PAPOLB: variants seen among roughly 807,000 people sequenced by gnomAD.
PAPOLB encodes the protein PAP-beta.
Under a neutral mutation model 23.2 loss-of-function variants are expected in PAPOLB, and 19 were observed. The observed-to-expected ratio is 0.82, with a 90% confidence interval of 0.57 to 1.20. PAPOLB has a LOEUF of 1.20. Ranked by LOEUF, PAPOLB falls within the 50% of genes most tolerant of loss-of-function variation. PAPOLB has a pLI of 0.00. For missense variants in PAPOLB, 822 were observed against 776.8 expected, an observed-to-expected ratio of 1.06 and a Z score of -0.69; for synonymous variants, 360 against 290.7, an observed-to-expected ratio of 1.24 and a Z score of -2.43.
chr7:4,861,857 T>TTCACGTCCCCCACCACCGCGACCG lies in PAPOLB; in HGVS notation c.-48_-47insCGGTCGCGGTGGTGGGGGACGTGA. The TTCACGTCCCCCACCACCGCGACCG allele has an allele frequency of 7.5e-6, 10 of 1,324,908 alleles. No individual in the cohort carries two copies. Among genetic ancestry groups the TTCACGTCCCCCACCACCGCGACCG allele is most frequent in the South Asian group, 1.8e-5 (1 of 55,496 alleles). 82.1% of individuals were successfully genotyped at this position (1,324,908 alleles called of 1,614,324 possible). On this transcript the variant is annotated 5_prime_UTR_variant, in exon 1 of 1. Transcript: ENST00000404991. ...GGGCACGTCCCCCACCACCGCGACC[T>TTCACGTCCCCCACCACCGCGACCG]TCGCGGCCGCCGCCCGGGTCATGAT...
In PAPOLB at chr7:4,860,519, A is replaced by G. The variant is rs563953783; in HGVS notation, c.1292T>C (p.Met431Thr). The G allele has an allele frequency of 1.7e-5, 27 of 1,614,056 alleles. No individual in the cohort carries two copies. Among genetic ancestry groups the G allele is most frequent in the African/African-American group, 9.3e-5 (7 of 74,932 alleles). The change falls in exon 1 of 1, where the codon ATG becomes ACG. Residue 431 changes from methionine to threonine, a missense_variant. Met to Thr is a moderately conservative substitution (Grantham distance 81). Transcript: ENST00000404991. ...CACCCACATTGTACGAAATTCTTCC[A>G]TATCAGGATTTTCTTTGGGTGCTGG... ...SFPAPKENPD[M>T]EEFRTMWVIG...
Position 4,861,495 on chromosome 7 carries a change from A to C in PAPOLB, c.316T>G (p.Leu106Val). ...TCTGCGCCTTTCGTATGTACTCCTAATCTGTAAGAGCCAAACGTAAAAATC... is the reference window on the plus strand; with the variant it reads ...TCTGCGCCTTTCGTATGTACTCCTACTCTGTAAGAGCCAAACGTAAAAATC... ...GKIFTFGSYR[L>V]GVHTKGADID... is the part of the protein sequence containing the mutation. Residue 106 changes from leucine (L) to valine (V), a missense_variant, in exon 1 of 1, where the codon TTA (leucine) becomes GTA (valine). Leu to Val is a conservative substitution (Grantham distance 32). Transcript: ENST00000404991. 6.2e-7 allele frequency: 1 copy of C among 1,614,084 alleles called. No homozygotes were observed.
In PAPOLB at chr7:4,859,940, G is replaced by A. The variant is rs759963359; in HGVS notation, c.1871C>T (p.Pro624Leu). 1 of 1,613,652 alleles carries A rather than the reference G, an allele frequency of 6.2e-7. No individual in the cohort carries two copies. Among genetic ancestry groups the A allele is most frequent in the Non-Finnish European group, 8.5e-7 (1 of 1,179,704 alleles). ...VVSSTCLISH[P>L]DLQETQQQTY... Reference sequence around the variant, plus strand: ...TTGTTGCTGAGTTTCCTGAAGGTCTGGATGGCTTATGAGACATGTTGAAGA... The same window carrying A: ...TTGTTGCTGAGTTTCCTGAAGGTCTAGATGGCTTATGAGACATGTTGAAGA... Residue 624 changes from proline (P) to leucine (L), a missense_variant, in exon 1 of 1, where the codon CCA (proline) becomes CTA (leucine). By Grantham distance (98) the Pro-to-Leu change is moderately conservative (BLOSUM62 -3). Around this residue, in one of 3 missense-constraint regions of PAPOLB, gnomAD observed 534 missense variants for 502.8 expected, o/e 1.06. Coordinates refer to ENST00000404991, the MANE Select transcript of PAPOLB (RefSeq NM_020144.5).
Position 4,861,941 on chromosome 7 carries a change from C to G in PAPOLB, c.-131G>C, listed in dbSNP as rs1784019903. 2.0e-6 allele frequency: 1 copy of G among 505,702 alleles called. No individual in the cohort carries two copies. The highest frequency in any genetic ancestry group is 3.9e-5 in the Admixed American group (1 of 25,888). The allele number at this position is 505,702 out of a possible 1,614,324, so 31.3% of individuals were successfully genotyped here. ...CCTGGTCCGACCCCACTCCCACTCC[C>G]GCTGCGCGCCCGCCGCTTCAGGAGC... On this transcript the variant is annotated 5_prime_UTR_variant, in exon 1 of 1. Transcript: ENST00000404991.
chr7:4,861,869 G>T lies in PAPOLB; in HGVS notation c.-59C>A, dbSNP rs905969187. 75 of 533,486 alleles carry T rather than the reference G, an allele frequency of 1.4e-4. No individual in the cohort carries two copies. Among genetic ancestry groups the T allele is most frequent in the Non-Finnish European group, 1.6e-4 (65 of 413,854 alleles). The allele number at this position is 533,486 out of a possible 1,614,324, so 33.0% of individuals were successfully genotyped here. On this transcript the variant is annotated 5_prime_UTR_variant, in exon 1 of 1. Coordinates refer to ENST00000404991, the MANE Select transcript of PAPOLB (RefSeq NM_020144.5). ...CACCACCGCGACCTTCGCGGCCGCC[G>T]CCCGGGTCATGATCCGCTGAGGCGG...
In PAPOLB at chr7:4,860,401, C is replaced by G. The variant is rs780816657; in HGVS notation, c.1410G>C (p.Arg470Ser). Residue 470 changes from arginine (R) to serine (S), a missense_variant, in exon 1 of 1, where the codon AGG (arginine) becomes AGC (serine). By Grantham distance (110) the Arg-to-Ser change is moderately radical. Around this residue, in one of 3 missense-constraint regions of PAPOLB, gnomAD observed 534 missense variants for 502.8 expected, o/e 1.06. Coordinates refer to ENST00000404991, the MANE Select transcript of PAPOLB (RefSeq NM_020144.5). ...DIQSFTDTVY[R>S]QAVNSKMFEM... The stretch of plus-strand genomic sequence containing the variant: ...CAAACATCTTACTATTCACTGCTTG[C>G]CTATAAACAGTATCTGTGAAAGACT... 1.9e-6 allele frequency: 3 copies of G among 1,613,680 alleles called. No individual in the cohort carries two copies. Among genetic ancestry groups the G allele is most frequent in the Non-Finnish European group, 2.5e-6 (3 of 1,179,598 alleles).
At position 4,858,503 on chromosome 7, in the gene PAPOLB, CTTT is replaced by C. The variant is rs1212416543; in HGVS notation, c.*1391_*1393del. On this transcript the variant is annotated 3_prime_UTR_variant, in exon 1 of 1. Transcript: ENST00000404991. ...GATGTCAAGTGCTTGCTAGAAATTA[CTTT>C]TTTATGTTTCTACATGTAAAATTTA... is the stretch of plus-strand genomic sequence containing the variant. 2 of 152,534 alleles carry C rather than the reference CTTT, an allele frequency of 1.3e-5. No individual in the cohort carries two copies. The highest frequency in any genetic ancestry group is 2.4e-5 in the African/African-American group (1 of 41,436). The allele number at this position is 152,534 out of a possible 1,614,324, so 9.4% of individuals were successfully genotyped here.
chr7:4,861,756 T>TCGGCGG lies in PAPOLB; in HGVS notation c.49_54dup (p.Pro17_Pro18dup), dbSNP rs1480415243. On this transcript the variant is annotated inframe_insertion, in exon 1 of 1. Coordinates refer to ENST00000404991, the MANE Select transcript of PAPOLB (RefSeq NM_020144.5). ...ATAGGCGAGGAGACGCCGTAGCGAT[T>TCGGCGG]CGGCGGCGGCGCCGGCTGCGGTGGT... 6.7e-7 allele frequency: 1 copy of TCGGCGG among 1,488,770 alleles called. No homozygotes were observed. The highest frequency in any genetic ancestry group is 2.5e-5 in the Admixed American group (1 of 40,718). The allele number at this position is 1,488,770 out of a possible 1,614,324, so 92.2% of individuals were successfully genotyped here. A position where few individuals can be genotyped will look rare whatever the true frequency, so the allele number is the denominator to read the frequency against.
In PAPOLB at chr7:4,861,755, T is replaced by A; in HGVS notation, c.56A>T (p.Asn19Ile). ...GATAGGCGAGGAGACGCCGTAGCGA[T>A]TCGGCGGCGGCGCCGGCTGCGGTGG... ...QGPPQPAPPPNRYGVSSPISL... is the reference protein window; with the variant it reads ...QGPPQPAPPPIRYGVSSPISL... Residue 19 changes from asparagine to isoleucine, a missense_variant, in exon 1 of 1, where the codon AAT (asparagine) becomes ATT (isoleucine). This residue lies in a region of PAPOLB where 276 missense variants were observed against 243.9 expected (regional missense o/e 1.13). Transcript: ENST00000404991. 1 of 1,488,326 alleles carries A rather than the reference T, an allele frequency of 6.7e-7. No homozygotes were observed. Among genetic ancestry groups the A allele is most frequent in the Non-Finnish European group, 8.9e-7 (1 of 1,121,124 alleles). The allele number at this position is 1,488,326 out of a possible 1,614,324, so 92.2% of individuals were successfully genotyped here. A position where few individuals can be genotyped will look rare whatever the true frequency, so the allele number is the denominator to read the frequency against.
chr7:4,861,026 G>C lies in PAPOLB; in HGVS notation c.785C>G (p.Pro262Arg). Reference protein sequence around the residue: ...MLVARTCQLYPNAVASTLVRK... With the variant: ...MLVARTCQLYRNAVASTLVRK... The stretch of plus-strand genomic sequence containing the variant: ...TACAAGAGTTGACGCTACTGCATTT[G>C]GATAAAGCTGACAAGTTCTTGCTAC... Residue 262 changes from proline to arginine, a missense_variant, in exon 1 of 1, where the codon CCA (proline) becomes CGA (arginine). This residue lies in a region of PAPOLB where 534 missense variants were observed against 502.8 expected (regional missense o/e 1.06). Transcript: ENST00000404991. 1 of 1,614,194 alleles carries C rather than the reference G, an allele frequency of 6.2e-7. No homozygotes were observed.
chr7:4,860,309 T>C lies in PAPOLB; in HGVS notation c.1502A>G (p.His501Arg), dbSNP rs1194120136. Residue 501 changes from histidine to arginine, a missense_variant, in exon 1 of 1, where the codon CAT (histidine) becomes CGT (arginine). By Grantham distance (29) the His-to-Arg change is conservative (BLOSUM62 0). This residue lies in a region of PAPOLB where 534 missense variants were observed against 502.8 expected (regional missense o/e 1.06). Coordinates refer to ENST00000404991, the MANE Select transcript of PAPOLB (RefSeq NM_020144.5). Reference sequence around the variant, plus strand: ...GTGTGCTTTCTTGTCCTGAAGCACATGATGAGGCAGCAGCTGGTGAAGTTC... The same window carrying C: ...GTGTGCTTTCTTGTCCTGAAGCACACGATGAGGCAGCAGCTGGTGAAGTTC... ...RKELHQLLPH[H>R]VLQDKKAHST... 5 of 1,613,902 alleles carry C rather than the reference T, an allele frequency of 3.1e-6. No homozygotes were observed. Among genetic ancestry groups the C allele is most frequent in the East Asian group, 4.5e-5 (2 of 44,900 alleles).
At position 4,861,580 on chromosome 7, in the gene PAPOLB, T is replaced by C; in HGVS notation, c.231A>G (p.Ile77Met). 6.2e-7 allele frequency: 1 copy of C among 1,613,426 alleles called. No homozygotes were observed. The highest frequency in any genetic ancestry group is 8.5e-7 in the Non-Finnish European group (1 of 1,179,744). ...GACTCTTGCTTTCACTGATTTCGCG[T>C]ATCCATTCCTTTACCAGATTATTTA... is the stretch of plus-strand genomic sequence containing the variant. ...EKLNNLVKEW[I>M]REISESKSLP... Residue 77 changes from isoleucine to methionine, a missense_variant, in exon 1 of 1, where the codon ATA becomes ATG. By Grantham distance (10) the Ile-to-Met change is conservative. This residue lies in a region of PAPOLB where 276 missense variants were observed against 243.9 expected (regional missense o/e 1.13). Coordinates refer to ENST00000404991, the MANE Select transcript of PAPOLB (RefSeq NM_020144.5).
rs1783908264 is a variant in PAPOLB at position 4,859,153 on chromosome 7, T to C, written c.*744A>G. The C allele has an allele frequency of 1.3e-5, 2 of 152,416 alleles. No individual in the cohort carries two copies. Among genetic ancestry groups the C allele is most frequent in the South Asian group, 4.1e-4 (2 of 4,834 alleles). 9.4% of individuals were successfully genotyped at this position (152,416 alleles called of 1,614,324 possible). A position where few individuals can be genotyped will look rare whatever the true frequency, so the allele number is the denominator to read the frequency against. On this transcript the variant is annotated 3_prime_UTR_variant, in exon 1 of 1. Transcript: ENST00000404991. ...AGGGACTGAGCTAGATGTACTTTTA[T>C]GCTTTCTCTGAAGTACAGTACACCG...
Position 4,860,181 on chromosome 7 carries a change from T to C in PAPOLB, c.1630A>G (p.Lys544Glu), listed in dbSNP as rs1279852166. The C allele has an allele frequency of 6.2e-7, 1 of 1,614,028 alleles. No individual in the cohort carries two copies. Among genetic ancestry groups the C allele is most frequent in the East Asian group, 2.2e-5 (1 of 44,888 alleles). ...MSVPSSTSTMKTGPLISSSQG... is the reference protein window; with the variant it reads ...MSVPSSTSTMETGPLISSSQG... ...GAACTGCTAATCAATGGGCCTGTCT[T>C]CATAGTGCTAGTAGATGAAGGCACA... The change falls in exon 1 of 1, where the codon AAG becomes GAG. Residue 544 changes from lysine to glutamate, a missense_variant. This residue lies in a region of PAPOLB where 534 missense variants were observed against 502.8 expected (regional missense o/e 1.06). Coordinates refer to ENST00000404991, the MANE Select transcript of PAPOLB (RefSeq NM_020144.5).
chr7:4,861,747 C>A lies in PAPOLB; in HGVS notation c.64G>T (p.Gly22Cys). Residue 22 changes from glycine to cysteine, a missense_variant, in exon 1 of 1, where the codon GGC becomes TGC. Gly to Cys is a radical substitution (Grantham distance 159, BLOSUM62 -3). This residue lies in a region of PAPOLB where 276 missense variants were observed against 243.9 expected (regional missense o/e 1.13). Coordinates refer to ENST00000404991, the MANE Select transcript of PAPOLB (RefSeq NM_020144.5). The stretch of plus-strand genomic sequence containing the variant: ...GCTAGACTGATAGGCGAGGAGACGC[C>A]GTAGCGATTCGGCGGCGGCGCCGGC... ...PQPAPPPNRYGVSSPISLAVP... is the reference protein window; with the variant it reads ...PQPAPPPNRYCVSSPISLAVP... 6.7e-7 allele frequency: 1 copy of A among 1,503,564 alleles called. No individual in the cohort carries two copies. The highest frequency in any genetic ancestry group is 2.3e-5 in the East Asian group (1 of 43,216). The allele number at this position is 1,503,564 out of a possible 1,614,324, so 93.1% of individuals were successfully genotyped here.
chr7:4,861,524 C>G lies in PAPOLB; in HGVS notation c.287G>C (p.Gly96Ala). 6.2e-7 allele frequency: 1 copy of G among 1,614,034 alleles called. No homozygotes were observed. The highest frequency in any genetic ancestry group is 1.3e-5 in the African/African-American group (1 of 75,078). The change falls in exon 1 of 1, where the codon GGA (glycine) becomes GCA (alanine). Residue 96 changes from glycine to alanine, a missense_variant. Coordinates refer to ENST00000404991, the MANE Select transcript of PAPOLB (RefSeq NM_020144.5). ...GTAAGAGCCAAACGTAAAAATCTTTCCTCCAACGTTTTCAATTACAGACTG... is the reference window on the plus strand; with the variant it reads ...GTAAGAGCCAAACGTAAAAATCTTTGCTCCAACGTTTTCAATTACAGACTG... ...LPQSVIENVG[G>A]KIFTFGSYRL... is the part of the protein sequence containing the mutation.
chr7:4,861,552 G>T lies in PAPOLB; in HGVS notation c.259C>A (p.Pro87Thr), dbSNP rs1783997252. ...CCAACGTTTTCAATTACAGACTGGG[G>T]AAGACTCTTGCTTTCACTGATTTCG... is the stretch of plus-strand genomic sequence containing the variant. ...IREISESKSLPQSVIENVGGK... is the reference protein window; with the variant it reads ...IREISESKSLTQSVIENVGGK... The change falls in exon 1 of 1, where the codon CCC (proline) becomes ACC (threonine). Residue 87 changes from proline to threonine, a missense_variant. By Grantham distance (38) the Pro-to-Thr change is conservative. This residue lies in a region of PAPOLB where 276 missense variants were observed against 243.9 expected (regional missense o/e 1.13). Transcript: ENST00000404991. 4.3e-6 allele frequency: 7 copies of T among 1,613,922 alleles called. No individual in the cohort carries two copies. The South Asian group carries it at 6.6e-5, about 15-fold the overall frequency.
Position 4,860,295 on chromosome 7 carries a change from T to C in PAPOLB, c.1516A>G (p.Lys506Glu). 6.2e-7 allele frequency: 1 copy of C among 1,613,930 alleles called. No individual in the cohort carries two copies. The highest frequency in any genetic ancestry group is 1.6e-4 in the Middle Eastern group (1 of 6,062). Residue 506 changes from lysine to glutamate, a missense_variant, in exon 1 of 1, where the codon AAG (lysine) becomes GAG (glutamate). Lys to Glu is a moderately conservative substitution (Grantham distance 56). Coordinates refer to ENST00000404991, the MANE Select transcript of PAPOLB (RefSeq NM_020144.5). ...CTACCTTCTGTTGAGTGTGCTTTCT[T>C]GTCCTGAAGCACATGATGAGGCAGC... ...QLLPHHVLQD[K>E]KAHSTEGRRL...
chr7:4,860,005 G>A lies in PAPOLB; in HGVS notation c.1806C>T (p.Ala602=), dbSNP rs1318535434. ...CCATGGCCTTTGGTGATGGAGAAAT[G>A]GCAGGCTGAGAGACAGCGTGAGGAA... ...ESIPHAVSQP[A]ISPSPKAMVA... is the part of the protein sequence containing the mutation. Residue 602 remains alanine, a synonymous_variant, in exon 1 of 1, where the codon GCC becomes GCT. Coordinates refer to ENST00000404991, the MANE Select transcript of PAPOLB (RefSeq NM_020144.5). The A allele has an allele frequency of 2.5e-6, 4 of 1,613,792 alleles. No homozygotes were observed. The highest frequency in any genetic ancestry group is 1.7e-5 in the Admixed American group (1 of 60,004).
Sources: gnomAD v4.1 joint callset for allele counts on GRCh38, gnomAD v4.1.1 for gene constraint, gnomAD v4.1.1 regional missense constraint, MANE v1.5 for transcripts, NCBI Gene and HGNC (gene_info 2026-07-23, HGNC 2026-07-21) for gene names.